The following KIAA1549L variants were observed in gnomAD, a reference collection of about 807,000 sequenced individuals.
KIAA1549L encodes UPF0606 protein KIAA1549L.
In KIAA1549L, 88 loss-of-function variants were observed where a neutral mutation model predicts 160.7. The observed-to-expected ratio is 0.55, with a 90% CI of 0.46 to 0.65. KIAA1549L has a LOEUF of 0.65. Among genes scored for constraint, KIAA1549L ranks in the 30% least tolerant of loss-of-function variants. KIAA1549L has a pLI of 0.00. For missense variants in KIAA1549L, 2,258 were observed against 2,437.5 expected (o/e 0.93, Z 1.55); for synonymous variants, 950 against 976.7 (o/e 0.97, Z 0.51).
In KIAA1549L at chr11:33,660,982, G is replaced by A; in HGVS notation, c.6127G>A (p.Glu2043Lys). The A allele has an allele frequency of 1.2e-6, 2 of 1,611,562 alleles. No homozygotes were observed. The highest frequency in any genetic ancestry group is 1.7e-6 in the Non-Finnish European group (2 of 1,178,858). Residue 2043 changes from glutamate (E) to lysine (K), a missense_variant, in exon 20 of 21, where the codon GAG becomes AAG. This residue lies in a region of KIAA1549L where 1,359 missense variants were observed against 1,546.6 expected (regional missense o/e 0.88). Transcript: ENST00000658780. ...CCAGGCCTGGATGTCCTATGCAGGA[G>A]AGAATGAGCTCCCGAGCCAGTGGGC... is the stretch of plus-strand genomic sequence containing the variant. ...RNQAWMSYAGENELPSQWADS... is the reference protein window; with the variant it reads ...RNQAWMSYAGKNELPSQWADS...
chr11:33,616,387 AGG>A (rs1420066937), intron 15 of KIAA1549L, among the ~76,000 whole-genome samples: 5 of 152,144 alleles, frequency 3.3e-5, no homozygotes, highest in Non-Finnish European at 7.4e-5. Context: ...AGAACAACTC[AGG>A]TCAGATGCCC....
rs915318596 is a variant in KIAA1549L, at chr11:33,671,852, C to T, written c.*3698C>T. 6 of 152,166 alleles carry T rather than the reference C, an allele frequency of 3.9e-5. No homozygotes were observed. Among genetic ancestry groups the T allele is most frequent in the Non-Finnish European group, 8.8e-5 (6 of 68,024 alleles). 9.4% of individuals were successfully genotyped at this position (152,166 alleles called of 1,614,324 possible). ...GATTTGTACTTAATCCTAAATTCCT[C>T]TTATCACACACCAGAAAATAATTTG... On this transcript the variant is annotated 3_prime_UTR_variant, in exon 21 of 21. Transcript: ENST00000658780.
chr11:33,444,195 T>C (rs562945425), intron 1 of KIAA1549L, among the ~76,000 whole-genome samples: 1 of 152,358 alleles, frequency 6.6e-6, no homozygotes, highest in East Asian at 1.9e-4. Context: ...GAATGAAATA[T>C]TATTTATTCA....
intron 4 of KIAA1549L, among the ~76,000 whole-genome samples, chr11:33,549,611 A>C (rs775550762): frequency 6.6e-6 from 1 of 152,218 alleles, no homozygotes; most frequent in Admixed American, 6.5e-5. Context: ...CACAATGTGG[A>C]GGAAGCAAAG....
rs201551936 is a variant in KIAA1549L at position 33,440,120 on chromosome 11, C to CTTTTTTTTT, written c.238+63250_238+63258dup. Among the ~76,000 whole-genome samples, 89 of 83,390 alleles carry CTTTTTTTTT rather than the reference C, an allele frequency of 1.1e-3. 10 individuals are homozygous for CTTTTTTTTT. Among genetic ancestry groups the CTTTTTTTTT allele is most frequent in the East Asian group, 2.9e-3 (10 of 3,500 alleles). The allele number at this position is 83,390 out of a possible 152,430, so 54.7% of individuals were successfully genotyped here. On this transcript the variant is annotated intron_variant, in intron 1 of 20. Transcript: ENST00000658780. Reference sequence around the variant, plus strand: ...GGTTATTTCCTCACCTATTTTGTTTCTTTTTTTTTTTTTTTTTTTTTTTTT... The same window carrying CTTTTTTTTT: ...GGTTATTTCCTCACCTATTTTGTTTCTTTTTTTTTTTTTTTTTTTTTTTTTTTTTTTTTT...
chr11:33,565,751 C>T (rs995077935), intron 8 of KIAA1549L, among the ~76,000 whole-genome samples: 1 of 147,396 alleles, frequency 6.8e-6, no homozygotes, highest in African/African-American at 2.5e-5. Context: ...GGTGTGTTGG[C>T]TCACACCTGT....
At position 33,667,986 on chromosome 11, in the gene KIAA1549L, G is replaced by A. The variant is rs751111249; in HGVS notation, c.6273G>A (p.Glu2091=). The A allele has an allele frequency of 4.3e-6, 7 of 1,613,792 alleles. No individual in the cohort carries two copies. Among genetic ancestry groups the A allele is most frequent in the Admixed American group, 3.3e-5 (2 of 59,996 alleles). The change falls in exon 21 of 21, where the codon GAG becomes GAA. Residue 2091 remains glutamate (E), a synonymous_variant. Transcript: ENST00000658780. ...CAGCCAACCTGCACCCCAGCCTGGA[G>A]CAGGCCCCGGCGCCCTCCACAGCGG... The part of the protein sequence containing the change: ...SQPANLHPSL[E]QAPAPSTAAS...
chr11:33,555,176 T>C (rs1336986020), intron 6 of KIAA1549L, among the ~76,000 whole-genome samples: 1 of 139,386 alleles, frequency 7.2e-6, no homozygotes, highest in South Asian at 2.3e-4. Context: ...AGAAGACAAA[T>C]AAATGGAAAG....
At chr11:33,519,578 GGTAGGTA>G (rs1465087282) in intron 1 of KIAA1549L, among the ~76,000 whole-genome samples, 1 of 152,144 alleles carries the variant, frequency 6.6e-6, no homozygotes, top group Non-Finnish European at 1.5e-5. Context: ...TCATCTTGAG[GGTAGGTA>G]GTAGTTTATG....
chr11:33,662,153 G>A (rs1421697536), intron 20 of KIAA1549L, among the ~76,000 whole-genome samples: 1 of 152,078 alleles, frequency 6.6e-6, no homozygotes, highest in Non-Finnish European at 1.5e-5. Context: ...ATGGCTTGTA[G>A]GATTATTGAC....
In KIAA1549L at chr11:33,507,286, A is replaced by G. The variant is rs114956528; in HGVS notation, c.239-34516A>G. 7.3e-3 allele frequency among the ~76,000 whole-genome samples: 1,108 copies of G among 152,256 alleles called. 13 individuals carry two copies. The highest frequency in any genetic ancestry group is 0.025 in the African/African-American group (1,054 of 41,552). On this transcript the variant is annotated intron_variant, in intron 1 of 20. Coordinates refer to ENST00000658780, the MANE Select transcript of KIAA1549L (RefSeq NM_012194.3). ...ATTTATGAGGTTTTGGGGAGTCTTC[A>G]TGAGGATGGGGTGGAGCATGATATA...
At chr11:33,617,292 C>T (rs1850838216) in intron 15 of KIAA1549L, among the ~76,000 whole-genome samples, 1 of 152,144 alleles carries the variant, frequency 6.6e-6, no homozygotes, top group Non-Finnish European at 1.5e-5. Context: ...CCCAATAAGC[C>T]TCACCCCCAC....
chr11:33,661,122 A>C, intron 20 of KIAA1549L, 108 bp downstream of exon 20: 2 of 1,122,326 alleles, frequency 1.8e-6, no homozygotes, highest in Non-Finnish European at 2.5e-6. Flanking sequence ...CAGCCTCCTC[A>C]CAGTACCCGG....
In KIAA1549L at chr11:33,530,427, AAAAAAAAAAATATATATATAT is replaced by A. The variant is rs1386504711; in HGVS notation, c.239-11373_239-11353del. 1.2e-3 allele frequency among the ~76,000 whole-genome samples: 54 copies of A among 44,106 alleles called. 2 individuals are homozygous for A. The highest frequency in any genetic ancestry group is 3.0e-3 in the African/African-American group (44 of 14,644). The allele number at this position is 44,106 out of a possible 152,430, so 28.9% of individuals were successfully genotyped here. On this transcript the variant is annotated intron_variant, in intron 1 of 20. Transcript: ENST00000658780. ...AAGAAGAAGAAGGAAAAAAAAAAAAAAAAAAAAAAATATATATATATATATATATATATATATATATATATA... is the reference window on the plus strand; with the variant it reads ...AAGAAGAAGAAGGAAAAAAAAAAAAAATATATATATATATATATATATATA...
chr11:33,460,102 A>C (rs1161582177), intron 1 of KIAA1549L, among the ~76,000 whole-genome samples: 1 of 152,158 alleles, frequency 6.6e-6, no homozygotes, highest in Non-Finnish European at 1.5e-5. Context: ...CTTTCAAAGA[A>C]AGTGATTAAA....
chr11:33,610,624 C>T (rs77680283), intron 15 of KIAA1549L, among the ~76,000 whole-genome samples: 2,041 of 152,200 alleles, frequency 0.013, 26 homozygotes, highest in Non-Finnish European at 0.018. Flanking sequence ...GAAAGAATCA[C>T]CCCAAAAGTT....
At chr11:33,663,502 C>T (rs1852334015) in intron 20 of KIAA1549L, among the ~76,000 whole-genome samples, 1 of 152,176 alleles carries the variant, frequency 6.6e-6, no homozygotes, top group Non-Finnish European at 1.5e-5. Context: ...GAGGATACTC[C>T]AGTGGGATCA....
At chr11:33,424,686 C>G (rs114112457) in intron 1 of KIAA1549L, among the ~76,000 whole-genome samples, 1 of 151,974 alleles carries the variant, frequency 6.6e-6, no homozygotes, top group African/African-American at 2.4e-5. Context: ...TTTGAGTCCC[C>G]TCATACATGC....
intron 13 of KIAA1549L, among the ~76,000 whole-genome samples, chr11:33,602,479 G>A (rs1220961796): frequency 6.6e-6 from 1 of 152,180 alleles, no homozygotes; most frequent in East Asian, 1.9e-4. Flanking sequence ...GCACGTGTTG[G>A]ATAAGAACAC....
Sources: gnomAD v4.1 joint callset for allele counts (sites outside exome capture counted in the v4.1 genomes callset) on GRCh38, gnomAD v4.1.1 for gene constraint, gnomAD v4.1.1 regional missense constraint, MANE v1.5 for transcripts, NCBI Gene and HGNC (gene_info 2026-07-23, HGNC 2026-07-21) for gene names.